The following CARS2 variants were observed in gnomAD, a reference collection of about 807,000 sequenced individuals.
CARS2 encodes probable cysteine--tRNA ligase, mitochondrial.
In CARS2, 52 loss-of-function variants were observed where a neutral mutation model predicts 68.8. The observed-to-expected ratio is 0.76, with a 90% CI of 0.61 to 0.95. The LOEUF (loss-of-function observed/expected upper bound fraction) is 0.95, where lower values mean the gene tolerates loss of function less well. Among genes scored for constraint, CARS2 ranks in the 40% least tolerant of loss-of-function variants. The pLI, the probability that CARS2 is intolerant of heterozygous loss-of-function variation, is 0.00. For synonymous variants in CARS2, 314 were observed against 303.6 expected, an observed-to-expected ratio of 1.03 and a Z score of -0.36; for missense variants, 780 against 754.2, an observed-to-expected ratio of 1.03 and a Z score of -0.40.
chr13:110,684,634 G>T (rs2139845206), intron 5 of CARS2, among the ~76,000 whole-genome samples: 1 of 151,406 alleles, frequency 6.6e-6, no homozygotes, highest in Non-Finnish European at 1.5e-5. Context: ...CGTCCTCTCT[G>T]GTCATTCAGG....
Position 110,676,072 on chromosome 13 carries a change from T to G in CARS2, c.785+902A>C, listed in dbSNP as rs1201794270. 6.6e-6 allele frequency among the ~76,000 whole-genome samples: 1 copy of G among 152,216 alleles called. No individual in the cohort carries two copies. The highest frequency in any genetic ancestry group is 1.9e-4 in the East Asian group (1 of 5,194). On this transcript the variant is annotated intron_variant, in intron 7 of 14. Transcript: ENST00000257347. The surrounding 1 kb of genome is among the most constrained non-coding windows in gnomAD (Gnocchi z 4.0). ...AGGAGGATGAGGCAGGAGAATCGCT[T>G]GAACCTGGGAGGCGGAGGTTGCGGT... is the stretch of plus-strand genomic sequence containing the variant.
At chr13:110,713,158 T>G in exon 1 of CARS2, 1 of 1,430,714 alleles carries the variant, frequency 7.0e-7, no homozygotes, top group South Asian at 1.5e-5. Flanking sequence ...CTCCTCTTCA[T>G]CGTGATTGGG....
chr13:110,660,755 G>A, intron 9 of CARS2, among the ~76,000 whole-genome samples: 1 of 134,786 alleles, frequency 7.4e-6, no homozygotes, highest in African/African-American at 2.8e-5. Context: ...AGTACACTTA[G>A]CATAATTCTT....
Position 110,705,653 on chromosome 13 carries a change from T to G in CARS2, c.225-82A>C, listed in dbSNP as rs9521906. The G allele has an allele frequency of 0.17, 258,004 of 1,491,060 alleles. 24,161 individuals carry two copies. Among genetic ancestry groups the G allele is most frequent in the Middle Eastern group, 0.19 (1,138 of 5,852 alleles). The allele number at this position is 1,491,060 out of a possible 1,614,324, so 92.4% of individuals were successfully genotyped here. The stretch of plus-strand genomic sequence containing the variant: ...ATTCTGAGTTATAATGATCATATAA[T>G]TTTTAAAGTAATCACTTCTGGGGGA... On this transcript the variant is annotated intron_variant, in intron 1 of 14. Coordinates refer to ENST00000257347, the MANE Select transcript of CARS2 (RefSeq NM_024537.4). The surrounding 1 kb of genome is among the most constrained non-coding windows in gnomAD (Gnocchi z 4.0).
At chr13:110,683,479 ACATAT>A (rs2063212498) in intron 5 of CARS2, among the ~76,000 whole-genome samples, 1 of 152,372 alleles carries the variant, frequency 6.6e-6, no homozygotes, top group South Asian at 2.1e-4. Context: ...CATGATTTGG[ACATAT>A]CATGAGTACA....
chr13:110,663,438 A>G lies in CARS2; in HGVS notation c.987+13T>C. On this transcript the variant is annotated intron_variant, in intron 9 of 14. Transcript: ENST00000257347. ...ATCGGCACCTCAGAGATACAATACA[A>G]AAAGCACGTTACCTTAATAGTAATG... The G allele has an allele frequency of 6.2e-7, 1 of 1,610,528 alleles. No homozygotes were observed. The highest frequency in any genetic ancestry group is 8.5e-7 in the Non-Finnish European group (1 of 1,178,662).
intron 3 of CARS2, 89 bp from the exon 4 acceptor site, chr13:110,688,107 G>C: frequency 1.2e-6 from 1 of 817,946 alleles, no homozygotes; most frequent in Non-Finnish European, 2.0e-6. Flanking sequence ...TGCACAACAC[G>C]ACAGCAAACA....
At chr13:110,650,679 C>T (rs1178595636) in intron 10 of CARS2, 24 of 235,750 alleles carry the variant, frequency 1.0e-4, no homozygotes, top group African/African-American at 5.0e-4. Context: ...GGCAGGGTCA[C>T]GTTTGAGGGC....
intron 7 of CARS2, among the ~76,000 whole-genome samples, chr13:110,669,328 C>T (rs1477059688): frequency 2.6e-5 from 4 of 152,046 alleles, no homozygotes; most frequent in South Asian, 4.1e-4. Flanking sequence ...GCAGAGTCCT[C>T]GTGTGGGAGA....
chr13:110,692,003 A>ATATATAT (rs1348225099), intron 3 of CARS2, among the ~76,000 whole-genome samples: 4 of 91,590 alleles, frequency 4.4e-5, no homozygotes, highest in Non-Finnish European at 8.6e-5. Context: ...AAAAAAAAAA[A>ATATATAT]ATATATATAT....
chr13:110,676,925 C>A lies in CARS2; in HGVS notation c.785+49G>T. ...CACATCCTCTGCTGCCCTGAGCAGGCACCAGGGGAACTTGAGCCCCAACCC... is the reference window on the plus strand; with the variant it reads ...CACATCCTCTGCTGCCCTGAGCAGGAACCAGGGGAACTTGAGCCCCAACCC... On this transcript the variant is annotated intron_variant, in intron 7 of 14. Coordinates refer to ENST00000257347, the MANE Select transcript of CARS2 (RefSeq NM_024537.4). The surrounding 1 kb of genome is among the most constrained non-coding windows in gnomAD (Gnocchi z 4.0). 1 of 1,487,918 alleles carries A rather than the reference C, an allele frequency of 6.7e-7. No homozygotes were observed. Among genetic ancestry groups the A allele is most frequent in the Non-Finnish European group, 9.0e-7 (1 of 1,113,738 alleles). The allele number at this position is 1,487,918 out of a possible 1,614,324, so 92.2% of individuals were successfully genotyped here. A position where few individuals can be genotyped will look rare whatever the true frequency, so the allele number is the denominator to read the frequency against.
chr13:110,702,696 A>G (rs2063823878), intron 2 of CARS2, among the ~76,000 whole-genome samples: 1 of 152,230 alleles, frequency 6.6e-6, no homozygotes, highest in Admixed American at 6.5e-5. Context: ...ATGCAGGGTC[A>G]TGAGCAATTT....
intron 9 of CARS2, among the ~76,000 whole-genome samples, chr13:110,657,889 T>C (rs557902672): frequency 7.5e-4 from 114 of 152,352 alleles, no homozygotes; most frequent in Middle Eastern, 6.8e-3. Flanking sequence ...CAACCTGACC[T>C]TGCAGCCCCC....
chr13:110,644,709 T>C (rs1234443284), intron 12 of CARS2: 9 of 645,542 alleles, frequency 1.4e-5, no homozygotes, highest in African/African-American at 9.2e-5. Flanking sequence ...CCATCAGTCA[T>C]GTGGGTGGTG....
intron 12 of CARS2, 121 bp downstream of exon 12, chr13:110,645,846 A>G: frequency 7.8e-7 from 1 of 1,277,044 alleles, no homozygotes; most frequent in South Asian, 1.5e-5. Flanking sequence ...GTTCCTCCAC[A>G]GAAGCTGCGG....
Position 110,676,741 on chromosome 13 carries a change from A to G in CARS2, c.785+233T>C, listed in dbSNP as rs531372127. ...GGGCAGCTGCAAGTGTGAACCAAAA[A>G]GCAGCCTCTCCACTAAACAGAGGAA... On this transcript the variant is annotated intron_variant, in intron 7 of 14. Coordinates refer to ENST00000257347, the MANE Select transcript of CARS2 (RefSeq NM_024537.4). The surrounding 1 kb of genome is among the most constrained non-coding windows in gnomAD (Gnocchi z 4.0). 1.2e-4 allele frequency among the ~76,000 whole-genome samples: 19 copies of G among 152,262 alleles called. No individual in the cohort carries two copies. Among genetic ancestry groups the G allele is most frequent in the African/African-American group, 4.6e-4 (19 of 41,548 alleles).
At chr13:110,694,839 G>T (rs115858496) in intron 3 of CARS2, among the ~76,000 whole-genome samples, 1 of 152,104 alleles carries the variant, frequency 6.6e-6, no homozygotes, top group Admixed American at 6.5e-5. Flanking sequence ...CAGATGGCAC[G>T]AAAGATATTG....
rs2062670275 is a variant in CARS2 at position 110,667,143 on chromosome 13, CA to C, written c.919+196del. On this transcript the variant is annotated intron_variant, in intron 8 of 14. Coordinates refer to ENST00000257347, the MANE Select transcript of CARS2 (RefSeq NM_024537.4). ...ACATTTTCCATATTCTAGTCAGTTC[CA>C]AAAAGGTATAATCATTGCTGCAATC... Among the ~76,000 whole-genome samples, 4 of 152,192 alleles carry C rather than the reference CA, an allele frequency of 2.6e-5. No homozygotes were observed. In the South Asian group the frequency reaches 8.3e-4, roughly 32 times the overall value.
intron 3 of CARS2, among the ~76,000 whole-genome samples, chr13:110,698,782 T>C (rs996746709): frequency 3.9e-5 from 6 of 152,166 alleles, no homozygotes; most frequent in East Asian, 1.9e-4. Context: ...GGCAGGAGGA[T>C]TGCTTGAGCT....
Sources: allele counts gnomAD v4.1 joint callset (sites outside exome capture counted in the v4.1 genomes callset), GRCh38; gene constraint gnomAD v4.1.1; non-coding constraint Gnocchi (gnomAD v3.1); transcripts MANE v1.5; gene names NCBI Gene and HGNC (gene_info 2026-07-23, HGNC 2026-07-21).